Variants in PALM2AKAP2 observed in about 807,000 individuals in gnomAD.
The protein encoded by PALM2AKAP2 is PALM2 and AKAP2 fusion.
In PALM2AKAP2, 37 loss-of-function variants were observed where a neutral mutation model predicts 71.5. The ratio of observed to expected loss-of-function variants is 0.52; its 90% confidence interval spans 0.40 to 0.68. The LOEUF (loss-of-function observed/expected upper bound fraction) is 0.68, where lower values mean the gene tolerates loss of function less well. Among genes scored for constraint, PALM2AKAP2 ranks in the 30% least tolerant of loss-of-function variants. The pLI is 0.00. For missense variants in PALM2AKAP2, 1,224 were observed against 1,191.8 expected (o/e 1.03, Z -0.40); for synonymous variants, 468 against 478.8 (o/e 0.98, Z 0.29).
intron 2 of PALM2AKAP2, among the ~76,000 whole-genome samples, chr9:110,146,136 T>G (rs376085978): frequency 6.6e-6 from 1 of 151,812 alleles, no homozygotes; most frequent in African/African-American, 2.4e-5. Flanking sequence ...CTGACCTTGT[T>G]ATCCACCTGC....
intron 7 of PALM2AKAP2, among the ~76,000 whole-genome samples, chr9:110,038,903 T>TGAA (rs201841549): frequency 9.9e-6 from 1 of 101,394 alleles, no homozygotes; most frequent in Admixed American, 1.4e-4. Context: ...ATTGTGCCAC[T>TGAA]CCAGCCTGGC....
chr9:110,025,818 G>C (rs1833172371), intron 7 of PALM2AKAP2, among the ~76,000 whole-genome samples: 1 of 152,036 alleles, frequency 6.6e-6, no homozygotes, highest in Admixed American at 6.6e-5. Flanking sequence ...TGTGCTTATT[G>C]GCTATTTGTA....
At chr9:109,807,876 G>A (rs1390520268) in intron 1 of PALM2AKAP2, among the ~76,000 whole-genome samples, 1 of 152,160 alleles carries the variant, frequency 6.6e-6, no homozygotes, top group African/African-American at 2.4e-5. Context: ...TCATTATAGT[G>A]AGTGAGTTCT....
intron 6 of PALM2AKAP2, among the ~76,000 whole-genome samples, chr9:109,949,593 C>T (rs1423936981): frequency 6.6e-6 from 1 of 152,070 alleles, no homozygotes; most frequent in Non-Finnish European, 1.5e-5. Flanking sequence ...CTGGGGAGTC[C>T]TATAGCACTA....
intron 1 of PALM2AKAP2, among the ~76,000 whole-genome samples, chr9:110,069,994 G>A (rs1834168561): frequency 6.6e-6 from 1 of 152,232 alleles, no homozygotes; most frequent in Non-Finnish European, 1.5e-5. Flanking sequence ...GAGGCTGCTT[G>A]CTAAGTAATC....
In PALM2AKAP2 at chr9:110,087,317, A is replaced by C. The variant is rs574056627; in HGVS notation, c.156+38462A>C. Among the ~76,000 whole-genome samples, 4 of 152,328 alleles carry C rather than the reference A, an allele frequency of 2.6e-5. No individual in the cohort carries two copies. The South Asian group carries it at 8.3e-4, about 32-fold the overall frequency. On this transcript the variant is annotated intron_variant, in intron 1 of 3. Coordinates refer to ENST00000374525, the Ensembl canonical transcript of PALM2AKAP2. ...TATTAATGTGTCTGATGTGTCGGAG[A>C]GGCCCCAAAGGTTTGAGGACCATGT...
chr9:109,732,514 T>C (rs1366049949), intron 1 of PALM2AKAP2, among the ~76,000 whole-genome samples: 3 of 152,188 alleles, frequency 2.0e-5, no homozygotes, highest in Admixed American at 6.5e-5. Context: ...ATTAGATTGA[T>C]GGGTGGTGGG....
At chr9:110,160,997 A>G (rs958958564) in intron 3 of PALM2AKAP2, among the ~76,000 whole-genome samples, 2 of 152,102 alleles carry the variant, frequency 1.3e-5, no homozygotes, top group Non-Finnish European at 2.9e-5. Flanking sequence ...ATGCATTGAG[A>G]GTTGTGGCCA....
At chr9:109,805,328 T>C (rs1294058781) in intron 1 of PALM2AKAP2, among the ~76,000 whole-genome samples, 1 of 152,246 alleles carries the variant, frequency 6.6e-6, no homozygotes. Context: ...CAAAAATATC[T>C]GGGAAGGTGG....
intron 1 of PALM2AKAP2, among the ~76,000 whole-genome samples, chr9:109,664,540 G>A (rs1827448862): frequency 6.6e-6 from 1 of 152,204 alleles, no homozygotes; most frequent in African/African-American, 2.4e-5. Context: ...GGCTTGTAGA[G>A]TTTCTGCTAA....
At chr9:110,030,296 T>G (rs1169174566) in intron 7 of PALM2AKAP2, among the ~76,000 whole-genome samples, 1 of 152,216 alleles carries the variant, frequency 6.6e-6, no homozygotes, top group Non-Finnish European at 1.5e-5. Flanking sequence ...CAACAATTTG[T>G]GACAGAAGTC....
upstream of PALM2AKAP2, among the ~76,000 whole-genome samples, chr9:109,776,714 G>C (rs1205873009): frequency 6.6e-6 from 1 of 152,114 alleles, no homozygotes; most frequent in Non-Finnish European, 1.5e-5. Flanking sequence ...TTCACAAATT[G>C]GCCAGCCAGA....
chr9:109,883,547 T>C (rs1460030147), intron 3 of PALM2AKAP2, among the ~76,000 whole-genome samples: 1 of 152,224 alleles, frequency 6.6e-6, no homozygotes, highest in Non-Finnish European at 1.5e-5. Flanking sequence ...TCTGCTTCTC[T>C]TCATCTTGCT....
chr9:110,108,116 TTC>T (rs1835159955), intron 1 of PALM2AKAP2, among the ~76,000 whole-genome samples: 1 of 149,750 alleles, frequency 6.7e-6, no homozygotes, highest in African/African-American at 2.4e-5. Flanking sequence ...TTTTCTTTTT[TTC>T]TTTTTTTTTT....
In PALM2AKAP2 at chr9:110,075,759, A is replaced by G. The variant is rs115480844; in HGVS notation, c.156+26904A>G. Among the ~76,000 whole-genome samples, 1,276 of 152,200 alleles carry G rather than the reference A, an allele frequency of 8.4e-3. 14 individuals carry two copies. The highest frequency in any genetic ancestry group is 0.029 in the African/African-American group (1,223 of 41,564). ...ATATTTTACCTTTTTATTTTAAAAT[A>G]ATTTTAAACTTAGAAAAGAGTTGCA... On this transcript the variant is annotated intron_variant, in intron 1 of 3. Coordinates refer to ENST00000374525, the Ensembl canonical transcript of PALM2AKAP2.
rs1833040780 is a variant in PALM2AKAP2, at chr9:110,019,816, G to A, written c.582+3777G>A. ...AGGGGCAATAGAGAAAGGAGAAAGG[G>A]TTGTAAAACTACCTATTGGATACTA... On this transcript the variant is annotated intron_variant, in intron 7 of 9. Coordinates refer to the PALM2AKAP2 transcript ENST00000302798. Among the ~76,000 whole-genome samples the A allele has an allele frequency of 2.6e-5, 4 of 152,258 alleles. No homozygotes were observed. The South Asian group carries it at 8.3e-4, about 32-fold the overall frequency.
intron 6 of PALM2AKAP2, among the ~76,000 whole-genome samples, chr9:109,934,183 G>A (rs1831172354): frequency 6.6e-6 from 1 of 152,090 alleles, no homozygotes; most frequent in African/African-American, 2.4e-5. Flanking sequence ...CCTTAACATA[G>A]CAGCCCTGTG....
At chr9:110,138,263 C>T (rs1835942636) in exon 2 of PALM2AKAP2, 1 of 1,614,204 alleles carries the variant, frequency 6.2e-7, no homozygotes, top group Non-Finnish European at 8.5e-7. Context: ...GGAGACCAGG[C>T]CCGAAGGAAG....
At chr9:110,043,589 T>A (rs1200016821) in intron 7 of PALM2AKAP2, among the ~76,000 whole-genome samples, 5 of 152,128 alleles carry the variant, frequency 3.3e-5, no homozygotes, top group Non-Finnish European at 5.9e-5. Flanking sequence ...TTTACTCATA[T>A]TGTAGGCAAA....
Sources: allele counts gnomAD v4.1 joint callset (sites outside exome capture counted in the v4.1 genomes callset), GRCh38; gene constraint gnomAD v4.1.1; transcripts MANE v1.5; gene names NCBI Gene and HGNC (gene_info 2026-07-23, HGNC 2026-07-21).